The following COL27A1 variants were observed in gnomAD, a reference collection of about 807,000 sequenced individuals.
COL27A1 encodes the protein collagen type XXVII alpha 1 chain, also known as collagen alpha-1(XXVII) chain.
A neutral mutation model predicts 251.3 loss-of-function variants in COL27A1; 106 were observed. That is an observed-to-expected ratio of 0.42 (90% CI 0.36 to 0.50). The LOEUF (loss-of-function observed/expected upper bound fraction) is 0.50, where lower values mean the gene tolerates loss of function less well. Ranked by LOEUF, COL27A1 falls within the 20% of genes least tolerant of loss-of-function variation. COL27A1 has a pLI of 0.00. For synonymous variants in COL27A1, 1,000 were observed against 986.3 expected, an observed-to-expected ratio of 1.01 and a Z score of -0.26; for missense variants, 2,325 against 2,522.8, an observed-to-expected ratio of 0.92 and a Z score of 1.68.
Position 114,169,511 on chromosome 9 carries a change from C to T in COL27A1, c.1908+48C>T, listed in dbSNP as rs114894388. On this transcript the variant is annotated intron_variant, in intron 3 of 60. Transcript: ENST00000356083. ...TGCTGCTTGGAGCTCCAGTGGGGGA[C>T]TGGGGCATTGGTCAAGTGGTTGCCC... is the stretch of plus-strand genomic sequence containing the variant. 584 of 1,420,830 alleles carry T rather than the reference C, an allele frequency of 4.1e-4. 2 individuals are homozygous for T. In the African/African-American group the frequency reaches 6.6e-3, roughly 16 times the overall value. 88.0% of individuals were successfully genotyped at this position (1,420,830 alleles called of 1,614,324 possible).
In COL27A1 at chr9:114,310,721, C is replaced by T. The variant is rs1322447843; in HGVS notation, c.*26C>T. 6.2e-7 allele frequency: 1 copy of T among 1,612,974 alleles called. No individual in the cohort carries two copies. Among genetic ancestry groups the T allele is most frequent in the Admixed American group, 1.7e-5 (1 of 59,988 alleles). ...CCTCTGACCTCGTGGCCACTCTAGG[C>T]CTCACGGAGGAGGGAAGAGGAAGAG... On this transcript the variant is annotated 3_prime_UTR_variant, in exon 61 of 61. Coordinates refer to ENST00000356083, the MANE Select transcript of COL27A1 (RefSeq NM_032888.4).
chr9:114,308,331 C>T (rs561706442), intron 59 of COL27A1, among the ~76,000 whole-genome samples: 34 of 152,178 alleles, frequency 2.2e-4, no homozygotes, highest in Admixed American at 9.2e-4. Context: ...CTAAGCCTTC[C>T]GAATTTGGGG....
rs919177134 is a variant in COL27A1, at chr9:114,174,999, A to C, written c.1909-3292A>C. 3.7e-4 allele frequency among the ~76,000 whole-genome samples: 4 copies of C among 10,924 alleles called. No homozygotes were observed. In the Admixed American group the frequency reaches 3.8e-3, roughly 10 times the overall value. The allele number at this position is 10,924 out of a possible 152,430, so 7.2% of individuals were successfully genotyped here. Reference sequence around the variant, plus strand: ...TAGGTAGCAGCACACCTAGGATCGGACTTTGGTCTCCTAAACCCCAGGCTT... The same window carrying C: ...TAGGTAGCAGCACACCTAGGATCGGCCTTTGGTCTCCTAAACCCCAGGCTT... On this transcript the variant is annotated intron_variant, in intron 3 of 60. Transcript: ENST00000356083.
rs540460152 is a variant in COL27A1 at position 114,258,639 on chromosome 9, G to C, written c.3195+45G>C. 3.2e-5 allele frequency: 51 copies of C among 1,592,386 alleles called. No homozygotes were observed. In the South Asian group the frequency reaches 5.6e-4, roughly 17 times the overall value. On this transcript the variant is annotated intron_variant, in intron 28 of 60. Coordinates refer to ENST00000356083, the MANE Select transcript of COL27A1 (RefSeq NM_032888.4). ...TGGGGGCTGATGCTGGTGGGAGGGG[G>C]CACACTTGGAACAGGGCCATCTGCC... is the stretch of plus-strand genomic sequence containing the variant.
intron 31 of COL27A1, 118 bp from the exon 32 acceptor site, chr9:114,265,304 A>C (rs1183136796): frequency 5.1e-6 from 6 of 1,183,554 alleles, no homozygotes; most frequent in Non-Finnish European, 7.3e-6. Flanking sequence ...CAGCCTTCCC[A>C]TCTGTCACCC....
Position 114,178,343 on chromosome 9 carries a change from G to A in COL27A1, c.1961G>A (p.Arg654Gln), listed in dbSNP as rs972108987. 9 of 1,613,752 alleles carry A rather than the reference G, an allele frequency of 5.6e-6. No individual in the cohort carries two copies. The East Asian group carries it at 6.7e-5, about 12-fold the overall frequency. ...LPGIPGARGP[R>Q]GPPGPYGNPG... is the part of the protein sequence containing the mutation. ...GGAATCCCTGGTGCACGTGGGCCTC[G>A]GGTGAGTTATCTCACACTGTCCTTT... Residue 654 changes from arginine (R) to glutamine (Q), a missense_variant and splice_region_variant, in exon 4 of 61, where the codon CGG becomes CAG. By Grantham distance (43) the Arg-to-Gln change is conservative. This residue lies in a region of COL27A1 where 1,183 missense variants were observed against 1,144.1 expected (regional missense o/e 1.03). Coordinates refer to ENST00000356083, the MANE Select transcript of COL27A1 (RefSeq NM_032888.4).
chr9:114,169,302 A>G lies in COL27A1; in HGVS notation c.1747A>G (p.Ser583Gly). The change falls in exon 3 of 61, where the codon AGT (serine) becomes GGT (glycine). Residue 583 changes from serine (S) to glycine (G), a missense_variant. By Grantham distance (56) the Ser-to-Gly change is moderately conservative. This residue lies in a region of COL27A1 where 1,183 missense variants were observed against 1,144.1 expected (regional missense o/e 1.03). Coordinates refer to ENST00000356083, the MANE Select transcript of COL27A1 (RefSeq NM_032888.4). ...GCCTAGCCCCAGACAGCCCCAGCCC[A>G]GTCAGCAGACCACCCCGGCCCTGGT... ...TRPSPRQPQPSQQTTPALVLA... is the reference protein window; with the variant it reads ...TRPSPRQPQPGQQTTPALVLA... 1 of 1,612,732 alleles carries G rather than the reference A, an allele frequency of 6.2e-7. No homozygotes were observed. Among genetic ancestry groups the G allele is most frequent in the South Asian group, 1.1e-5 (1 of 90,986 alleles).
intron 56 of COL27A1, 49 bp from the exon 57 acceptor site, chr9:114,304,559 G>A: frequency 1.9e-6 from 3 of 1,583,668 alleles, no homozygotes; most frequent in Non-Finnish European, 2.6e-6. Context: ...TGATGGGTGT[G>A]GAGAACCCTG....
Position 114,243,924 on chromosome 9 carries a change from C to CT in COL27A1, c.2934+364_2934+365insT, listed in dbSNP as rs1564515708. Among the ~76,000 whole-genome samples, 1,206 of 138,020 alleles carry CT rather than the reference C, an allele frequency of 8.7e-3. 63 individuals are homozygous for CT. Among genetic ancestry groups the CT allele is most frequent in the African/African-American group, 0.029 (1,037 of 35,940 alleles). The allele number at this position is 138,020 out of a possible 152,430, so 90.5% of individuals were successfully genotyped here. ...TTGCACCGTTTCTGTTTTTTTCTTTCATTTTTTTTTTTTTTTTTTTGAGAT... is the reference window on the plus strand; with the variant it reads ...TTGCACCGTTTCTGTTTTTTTCTTTCTATTTTTTTTTTTTTTTTTTTGAGAT... On this transcript the variant is annotated intron_variant, in intron 23 of 60. Transcript: ENST00000356083.
At chr9:114,307,368 T>C (rs1829128461) in intron 58 of COL27A1, 1 of 322,644 alleles carries the variant, frequency 3.1e-6, no homozygotes, top group African/African-American at 2.2e-5. Context: ...CAAACCCTTG[T>C]GCAAGTGACC....
At chr9:114,245,086 C>T (rs1261989980) in intron 23 of COL27A1, among the ~76,000 whole-genome samples, 12 of 151,400 alleles carry the variant, frequency 7.9e-5, no homozygotes, top group Admixed American at 3.9e-4. Context: ...GGTGCCCTGA[C>T]GTCCCATTTC....
At chr9:114,156,228 G>C (rs1848113636) in intron 1 of COL27A1, among the ~76,000 whole-genome samples, 3 of 151,060 alleles carry the variant, frequency 2.0e-5, no homozygotes, top group African/African-American at 4.9e-5. Context: ...CGCCTGGCCC[G>C]GCTGCCCGAT....
intron 49 of COL27A1, among the ~76,000 whole-genome samples, chr9:114,298,730 G>A (rs1828414777): frequency 6.6e-6 from 1 of 152,186 alleles, no homozygotes; most frequent in African/African-American, 2.4e-5. Flanking sequence ...ATAACCTTGT[G>A]TTAGGTAATA....
chr9:114,219,444 G>A (rs1830932136), intron 12 of COL27A1, among the ~76,000 whole-genome samples: 1 of 152,200 alleles, frequency 6.6e-6, no homozygotes, highest in African/African-American at 2.4e-5. Context: ...GGGAAACAGA[G>A]GCTCTTAAAA....
rs145785582 is a variant in COL27A1 at position 114,282,167 on chromosome 9, C to T, written c.3718-110C>T. ...GGGTACTGGGTGGCAGAATCAGTTT[C>T]GAACCTGGCCATCTGCCTCCAGAGC... On this transcript the variant is annotated intron_variant, in intron 37 of 60. Coordinates refer to ENST00000356083, the MANE Select transcript of COL27A1 (RefSeq NM_032888.4). 3,994 of 954,336 alleles carry T rather than the reference C, an allele frequency of 4.2e-3. 107 individuals are homozygous for T. The African/African-American group carries it at 0.057, about 14-fold the overall frequency. 59.1% of individuals were successfully genotyped at this position (954,336 alleles called of 1,614,324 possible).
intron 57 of COL27A1, 105 bp downstream of exon 57, chr9:114,304,778 T>A (rs1200641939): frequency 1.0e-6 from 1 of 961,826 alleles, no homozygotes; most frequent in African/African-American, 1.6e-5. Flanking sequence ...GCATGGAGCA[T>A]TTCAGAGTCC....
At chr9:114,242,881 T>C (rs757257411) in intron 22 of COL27A1, among the ~76,000 whole-genome samples, 69 of 152,236 alleles carry the variant, frequency 4.5e-4, no homozygotes, top group Non-Finnish European at 1.2e-4. Flanking sequence ...CTATTTTCCA[T>C]AGCAAAATAA....
chr9:114,270,468 C>A (rs917835603), intron 35 of COL27A1, among the ~76,000 whole-genome samples: 1 of 152,210 alleles, frequency 6.6e-6, no homozygotes, highest in Admixed American at 6.5e-5. Context: ...CCCACGTCAC[C>A]CTGCAGAGGG....
rs887698572 is a variant in COL27A1 at position 114,312,455 on chromosome 9, C to T, written c.*1760C>T. 1.3e-5 allele frequency: 2 copies of T among 152,146 alleles called. No homozygotes were observed. The highest frequency in any genetic ancestry group is 4.8e-5 in the African/African-American group (2 of 41,424). 9.4% of individuals were successfully genotyped at this position (152,146 alleles called of 1,614,324 possible). On this transcript the variant is annotated 3_prime_UTR_variant, in exon 61 of 61. Coordinates refer to ENST00000356083, the MANE Select transcript of COL27A1 (RefSeq NM_032888.4). Reference sequence around the variant, plus strand: ...AGTGTATTAAAACCCCAATGGGTTCCGTTTCTCCTTTTCCCCTCTGGATTT... The same window carrying T: ...AGTGTATTAAAACCCCAATGGGTTCTGTTTCTCCTTTTCCCCTCTGGATTT...
Sources: allele counts gnomAD v4.1 joint callset (sites outside exome capture counted in the v4.1 genomes callset), GRCh38; gene constraint gnomAD v4.1.1; regional missense constraint gnomAD v4.1.1; transcripts MANE v1.5; gene names NCBI Gene and HGNC (gene_info 2026-07-23, HGNC 2026-07-21).